RSRC1: variants seen among roughly 807,000 people sequenced by gnomAD.
RSRC1 encodes the protein arginine and serine rich coiled-coil 1, also known as serine/Arginine-related protein 53.
Under a neutral mutation model 49.1 loss-of-function variants are expected in RSRC1, and 39 were observed. The observed-to-expected ratio is 0.79, with a 90% confidence interval of 0.61 to 1.04. The LOEUF is 1.04. Ranked by LOEUF, RSRC1 falls within the 50% of genes least tolerant of loss-of-function variation. The pLI is 0.00. For missense variants in RSRC1, 388 were observed against 402.4 expected (o/e 0.96, Z 0.31); for synonymous variants, 143 against 130.8 (o/e 1.09, Z -0.63).
chr3:158,281,416 T>C (rs2682402), intron 4 of RSRC1, among the ~76,000 whole-genome samples: 104,727 of 151,602 alleles, frequency 0.69, 36,602 homozygotes, highest in East Asian at 0.84. Flanking sequence ...ATACATTTTT[T>C]GCACATGTAC....
chr3:158,478,577 T>A (rs917300545), intron 7 of RSRC1, among the ~76,000 whole-genome samples: 1 of 151,952 alleles, frequency 6.6e-6, no homozygotes, highest in African/African-American at 2.4e-5. Flanking sequence ...TGTAGAGCCA[T>A]GTCATGAGTT....
chr3:158,238,311 T>A (rs1165691638), intron 4 of RSRC1, among the ~76,000 whole-genome samples: 6 of 152,126 alleles, frequency 3.9e-5, no homozygotes, highest in East Asian at 1.9e-4. Context: ...TTATAGATTC[T>A]GTGCCATCCC....
intron 3 of RSRC1, among the ~76,000 whole-genome samples, chr3:158,173,028 A>G (rs947092189): frequency 1.3e-5 from 2 of 152,074 alleles, no homozygotes; most frequent in African/African-American, 2.4e-5. Context: ...ATATGTATCT[A>G]TCTAATTTAT....
intron 4 of RSRC1, among the ~76,000 whole-genome samples, chr3:158,216,813 G>A (rs919390456): frequency 7.3e-5 from 11 of 151,470 alleles, no homozygotes; most frequent in Non-Finnish European, 1.5e-4. Context: ...ACCGTTGTTC[G>A]TCTGCTCTTT....
chr3:158,437,431 C>G (rs1312151086), intron 6 of RSRC1, among the ~76,000 whole-genome samples: 3 of 151,998 alleles, frequency 2.0e-5, no homozygotes, highest in Admixed American at 2.0e-4. Flanking sequence ...ACTGGCAAAC[C>G]GAATCCAGCA....
At chr3:158,425,747 C>T (rs1377371798) in intron 6 of RSRC1, among the ~76,000 whole-genome samples, 3 of 151,866 alleles carry the variant, frequency 2.0e-5, no homozygotes, top group African/African-American at 4.8e-5. Context: ...TCAGGACTTG[C>T]TTTATGAATC....
At chr3:158,436,990 T>C (rs1404228097) in intron 6 of RSRC1, among the ~76,000 whole-genome samples, 5 of 151,278 alleles carry the variant, frequency 3.3e-5, no homozygotes, top group East Asian at 3.9e-4. Context: ...TCAGAATCCA[T>C]TCTTTAAATA....
intron 5 of RSRC1, among the ~76,000 whole-genome samples, chr3:158,317,434 T>G (rs1210939619): frequency 1.3e-5 from 2 of 152,162 alleles, no homozygotes; most frequent in African/African-American, 4.8e-5. Context: ...TTCACCATGT[T>G]GCCCAGCATG....
chr3:158,379,057 C>G (rs1212304794), intron 6 of RSRC1, among the ~76,000 whole-genome samples: 1 of 148,142 alleles, frequency 6.8e-6, no homozygotes, highest in Non-Finnish European at 1.5e-5. Context: ...TTACCTAGAC[C>G]AAGTCACCAC....
At chr3:158,482,308 AT>A (rs1738641945) in intron 7 of RSRC1, among the ~76,000 whole-genome samples, 1 of 152,064 alleles carries the variant, frequency 6.6e-6, no homozygotes, top group Non-Finnish European at 1.5e-5. Flanking sequence ...ATCAAAATGT[AT>A]TTGCATTTAT....
At chr3:158,178,520 A>G (rs1162220948) in intron 3 of RSRC1, among the ~76,000 whole-genome samples, 2 of 152,178 alleles carry the variant, frequency 1.3e-5, no homozygotes, top group Non-Finnish European at 2.9e-5. Flanking sequence ...TTTTCGATAT[A>G]CCAACTTTTG....
intron 4 of RSRC1, among the ~76,000 whole-genome samples, chr3:158,282,389 T>C (rs1336322042): frequency 6.6e-6 from 1 of 152,218 alleles, no homozygotes; most frequent in Non-Finnish European, 1.5e-5. Context: ...GAAGGAGTCA[T>C]GTAACTTAGC....
At chr3:158,118,462 T>TGTGTGTGTGTGTGTGCGTGC (rs1491469875) in intron 1 of RSRC1, among the ~76,000 whole-genome samples, 1 of 124,682 alleles carries the variant, frequency 8.0e-6, no homozygotes, top group African/African-American at 3.3e-5. Flanking sequence ...TGTGTGTGTG[T>TGTGTGTGTGTGTGTGCGTGC]GCGCGTGCGC....
intron 5 of RSRC1, among the ~76,000 whole-genome samples, chr3:158,311,740 A>G (rs1258471803): frequency 1.3e-5 from 2 of 152,130 alleles, no homozygotes; most frequent in African/African-American, 4.8e-5. Flanking sequence ...AGGTAAATAT[A>G]TAAGGTAATA....
intron 3 of RSRC1, among the ~76,000 whole-genome samples, chr3:158,144,434 T>G (rs1716947941): frequency 2.0e-5 from 3 of 152,214 alleles, no homozygotes; most frequent in Admixed American, 2.0e-4. Flanking sequence ...GGTTTCCAGC[T>G]TCATCCATGT....
At chr3:158,396,703 TCTGA>T (rs1323510035) in intron 6 of RSRC1, among the ~76,000 whole-genome samples, 6 of 152,110 alleles carry the variant, frequency 3.9e-5, no homozygotes, top group Non-Finnish European at 8.8e-5. Context: ...GTTTAGGATA[TCTGA>T]AGGACACAAG....
chr3:158,238,186 A>G (rs975227606), intron 4 of RSRC1, among the ~76,000 whole-genome samples: 2 of 152,190 alleles, frequency 1.3e-5, no homozygotes, highest in Non-Finnish European at 2.9e-5. Context: ...CTTCAAGGAG[A>G]ACTACAAACC....
At chr3:158,445,482 C>T (rs1356153455) in intron 6 of RSRC1, among the ~76,000 whole-genome samples, 4 of 151,868 alleles carry the variant, frequency 2.6e-5, no homozygotes, top group Non-Finnish European at 5.9e-5. Flanking sequence ...GGAAGGGGAA[C>T]CTCACACACC....
Position 158,321,652 on chromosome 3 carries a change from G to T in RSRC1, c.531+23577G>T, listed in dbSNP as rs1728770003. Among the ~76,000 whole-genome samples the T allele has an allele frequency of 2.6e-5, 4 of 150,958 alleles. No homozygotes were observed. The South Asian group carries it at 8.3e-4, about 31-fold the overall frequency. ...TTAAGTTGGTGCAAAAGTAATTGTGGTATTTGCCTTTAAAAGTAATGCCAA... is the reference window on the plus strand; with the variant it reads ...TTAAGTTGGTGCAAAAGTAATTGTGTTATTTGCCTTTAAAAGTAATGCCAA... On this transcript the variant is annotated intron_variant, in intron 5 of 9. Coordinates refer to ENST00000611884, the MANE Select transcript of RSRC1 (RefSeq NM_001271838.2).
Sources: gnomAD v4.1 joint callset for allele counts (sites outside exome capture counted in the v4.1 genomes callset) on GRCh38, gnomAD v4.1.1 for gene constraint, MANE v1.5 for transcripts, NCBI Gene and HGNC (gene_info 2026-07-23, HGNC 2026-07-21) for gene names.